WDFY3: variants seen among roughly 807,000 people sequenced by gnomAD.
WDFY3 encodes the protein WD repeat and FYVE domain containing 3.
WDFY3 carries 66 observed loss-of-function variants against 409.6 expected under a neutral mutation model. The ratio of observed to expected loss-of-function variants is 0.16; its 90% CI spans 0.13 to 0.20. The LOEUF (loss-of-function observed/expected upper bound fraction) is 0.20, where lower values mean the gene tolerates loss of function less well. Ranked by LOEUF, WDFY3 falls within the 10% of genes least tolerant of loss-of-function variation. The pLI is 1.00. For synonymous variants in WDFY3, 1,521 were observed against 1,537.1 expected, an observed-to-expected ratio of 0.99 and a Z score of 0.25; for missense variants, 3,031 against 4,298.1, an observed-to-expected ratio of 0.71 and a Z score of 8.24.
At chr4:84,810,416 T>G in intron 13 of WDFY3, 72 bp from the exon 14 acceptor site, 22 of 1,187,360 alleles carry the variant, frequency 1.9e-5, no homozygotes, top group Non-Finnish European at 2.3e-5. Context: ...ACTATGCATG[T>G]ATATGGAGGT....
intron 59 of WDFY3, among the ~76,000 whole-genome samples, chr4:84,692,557 G>C (rs150316417): frequency 1.5e-3 from 227 of 152,204 alleles, no homozygotes; most frequent in African/African-American, 5.0e-3. Context: ...AAATGAGAAT[G>C]AAATTATGAA....
chr4:84,840,604 ACAGGG>A (rs1236165989), intron 6 of WDFY3, among the ~76,000 whole-genome samples: 2 of 151,886 alleles, frequency 1.3e-5, no homozygotes, highest in Admixed American at 1.3e-4. Flanking sequence ...TTTTTTAGAG[ACAGGG>A]TCTCACTCTG....
Position 84,726,890 on chromosome 4 carries a change from G to A in WDFY3, c.7243C>T (p.Pro2415Ser), listed in dbSNP as rs1735749341. The change falls in exon 45 of 68, where the codon CCT (proline) becomes TCT (serine). Residue 2415 changes from proline (P) to serine (S), a missense_variant. Physicochemically the swap from Pro to Ser is moderately conservative, Grantham distance 74. Transcript: ENST00000295888. ...NVASEIPSKQ[P>S]ETPDDIPQKK... ...TGAGGAATATCATCGGGTGTCTCAG[G>A]CTGTTTACTTGGGATCTCAGACTGA... 6.2e-7 allele frequency: 1 copy of A among 1,608,360 alleles called. No individual in the cohort carries two copies. Among genetic ancestry groups the A allele is most frequent in the African/African-American group, 1.3e-5 (1 of 74,482 alleles).
chr4:84,814,111 A>G (rs1036231270), intron 13 of WDFY3, among the ~76,000 whole-genome samples: 3 of 152,210 alleles, frequency 2.0e-5, no homozygotes, highest in African/African-American at 7.2e-5. Context: ...AAACTAGTAT[A>G]TGCCACCCCA....
chr4:84,738,780 T>C (rs1399715979), intron 40 of WDFY3, among the ~76,000 whole-genome samples: 1 of 152,168 alleles, frequency 6.6e-6, no homozygotes, highest in Non-Finnish European at 1.5e-5. Flanking sequence ...AATGTAAATA[T>C]TAATACCACC....
intron 8 of WDFY3, among the ~76,000 whole-genome samples, chr4:84,829,700 G>A (rs1578714553): frequency 6.6e-6 from 1 of 151,674 alleles, no homozygotes. Context: ...CCAGCTACTC[G>A]GGAGGCTGAG....
intron 3 of WDFY3, chr4:84,886,444 C>T (rs771778260): frequency 6.6e-6 from 1 of 151,522 alleles, no homozygotes; most frequent in Non-Finnish European, 1.5e-5. Context: ...CCATGCTAAT[C>T]TTCTCTGTGC....
rs1273147070 is a variant in WDFY3, at chr4:84,690,378, A to T, written c.9363+128T>A. On this transcript the variant is annotated intron_variant, in intron 61 of 67. Transcript: ENST00000295888. ...TTCAAAAAAGTATTTCTAGCAACAG[A>T]ACGTCACTTTGGTTTTGTCCATTAG... 4.6e-6 allele frequency: 6 copies of T among 1,317,304 alleles called. No individual in the cohort carries two copies. In the African/African-American group the frequency reaches 7.4e-5, roughly 16 times the overall value. The allele number at this position is 1,317,304 out of a possible 1,614,324, so 81.6% of individuals were successfully genotyped here.
In WDFY3 at chr4:84,684,095, T is replaced by C; in HGVS notation, c.9574A>G (p.Ile3192Val). ...GDIVSCAGTYIHVWSINGNPI... is the reference protein window; with the variant it reads ...GDIVSCAGTYVHVWSINGNPI... ...TTCCCATTGATGCTCCACACATGGA[T>C]ATATGTGCCAGCGCAGGACACAATG... is the stretch of plus-strand genomic sequence containing the variant. The change falls in exon 63 of 68, where the codon ATC becomes GTC. Residue 3192 changes from isoleucine (I) to valine (V), a missense_variant. Coordinates refer to ENST00000295888, the MANE Select transcript of WDFY3 (RefSeq NM_014991.6). 1 of 1,605,314 alleles carries C rather than the reference T, an allele frequency of 6.2e-7. No homozygotes were observed. The highest frequency in any genetic ancestry group is 8.5e-7 in the Non-Finnish European group (1 of 1,172,736).
intron 24 of WDFY3, 114 bp downstream of exon 24, chr4:84,785,865 A>G: frequency 2.3e-6 from 3 of 1,314,684 alleles, no homozygotes; most frequent in Non-Finnish European, 3.1e-6. Flanking sequence ...TAAACAATAC[A>G]TGAAAGGCAT....
At position 84,827,695 on chromosome 4, in the gene WDFY3, T is replaced by TA. The variant is rs560427407; in HGVS notation, c.957-715dup. 3.9e-5 allele frequency among the ~76,000 whole-genome samples: 6 copies of TA among 152,312 alleles called. No individual in the cohort carries two copies. The South Asian group carries it at 1.2e-3, about 32-fold the overall frequency. ...AAGGATAAATCAATTAATACCCCTCTAGTAATGTGAAGTGGTTATTTCATC... is the reference window on the plus strand; with the variant it reads ...AAGGATAAATCAATTAATACCCCTCTAAGTAATGTGAAGTGGTTATTTCATC... On this transcript the variant is annotated intron_variant, in intron 9 of 67. Coordinates refer to ENST00000295888, the MANE Select transcript of WDFY3 (RefSeq NM_014991.6).
intron 21 of WDFY3, among the ~76,000 whole-genome samples, chr4:84,791,601 G>C (rs185050726): frequency 2.3e-3 from 345 of 152,206 alleles, no homozygotes; most frequent in African/African-American, 7.8e-3. Flanking sequence ...AAAAAGAACC[G>C]AGAAAAATGT....
At chr4:84,852,996 T>G (rs1285422786) in intron 4 of WDFY3, among the ~76,000 whole-genome samples, 4 of 152,158 alleles carry the variant, frequency 2.6e-5, no homozygotes, top group Non-Finnish European at 5.9e-5. Context: ...TGGGCTCAAC[T>G]GATCTGCCCA....
intron 2 of WDFY3, among the ~76,000 whole-genome samples, chr4:84,901,036 T>A (rs1169372944): frequency 1.3e-5 from 2 of 152,192 alleles, no homozygotes; most frequent in Non-Finnish European, 2.9e-5. Context: ...TCCAAGATGA[T>A]GCCTTGTTGC....
chr4:84,717,045 A>T, intron 48 of WDFY3, 29 bp from the exon 49 acceptor site: 2 of 1,542,072 alleles, frequency 1.3e-6, no homozygotes, highest in Non-Finnish European at 1.7e-6. Context: ...AAAAGCAAAT[A>T]AAAACACAGC....
intron 3 of WDFY3, among the ~76,000 whole-genome samples, chr4:84,878,525 G>A (rs528998657): frequency 9.5e-4 from 144 of 152,202 alleles, no homozygotes; most frequent in African/African-American, 3.3e-3. Flanking sequence ...ATTAGAATGA[G>A]GAGTTTTATT....
chr4:84,776,757 G>A (rs1437413341), intron 27 of WDFY3, among the ~76,000 whole-genome samples: 1 of 152,046 alleles, frequency 6.6e-6, no homozygotes, highest in Non-Finnish European at 1.5e-5. Context: ...CTTTCTAAAA[G>A]AATAAGAGGT....
intron 3 of WDFY3, among the ~76,000 whole-genome samples, chr4:84,890,588 A>G (rs765794508): frequency 1.3e-5 from 2 of 152,232 alleles, no homozygotes; most frequent in African/African-American, 2.4e-5. Context: ...AGCAAGCAGC[A>G]GTAGAGGCAG....
intron 2 of WDFY3, among the ~76,000 whole-genome samples, chr4:84,920,100 G>A (rs1050784417): frequency 3.9e-5 from 6 of 152,082 alleles, no homozygotes; most frequent in Admixed American, 2.0e-4. Context: ...GGAGAGAAAG[G>A]ATGACTGTGT....
Sources: allele counts gnomAD v4.1 joint callset (sites outside exome capture counted in the v4.1 genomes callset), GRCh38; gene constraint gnomAD v4.1.1; transcripts MANE v1.5; gene names NCBI Gene and HGNC (gene_info 2026-07-23, HGNC 2026-07-21).